The following ARHGAP8 variants were observed in gnomAD, a reference collection of about 807,000 sequenced individuals.
ARHGAP8 encodes Rho GTPase activating protein 8.
In ARHGAP8, 62 loss-of-function variants were observed where a neutral mutation model predicts 46.1. That is an observed-to-expected ratio of 1.34 (90% CI 1.10 to 1.66). The LOEUF (loss-of-function observed/expected upper bound fraction) is 1.66, where lower values mean the gene tolerates loss of function less well. Among genes scored for constraint, ARHGAP8 ranks in the 40% most tolerant of loss-of-function variants. The probability of loss-of-function intolerance (pLI) is 0.00; values close to 1 mark genes in which losing one functional copy is unlikely to be tolerated. For missense variants in ARHGAP8, 923 were observed against 568.4 expected, an observed-to-expected ratio of 1.62 and a Z score of -6.34; for synonymous variants, 375 against 243.1, an observed-to-expected ratio of 1.54 and a Z score of -5.05.
chr22:44,796,188 G>A (rs1193586258), intron 2 of ARHGAP8, among the ~76,000 whole-genome samples: 1 of 152,198 alleles, frequency 6.6e-6, no homozygotes, highest in African/African-American at 2.4e-5. Flanking sequence ...AGCAGACGCT[G>A]TTCTGCTCCC....
At chr22:44,834,391 G>A (rs535974647) in intron 7 of ARHGAP8, among the ~76,000 whole-genome samples, 1 of 151,852 alleles carries the variant, frequency 6.6e-6, no homozygotes, top group African/African-American at 2.4e-5. Flanking sequence ...TTGATTCATT[G>A]ATTTCTAGGA....
chr22:44,827,343 T>TC (rs1425487067), intron 7 of ARHGAP8, among the ~76,000 whole-genome samples: 9 of 115,012 alleles, frequency 7.8e-5, no homozygotes, highest in Non-Finnish European at 1.4e-4. Context: ...GTGGTTTTTT[T>TC]TTTTTTTTTT....
At chr22:44,830,651 C>G (rs1930881569) in intron 7 of ARHGAP8, among the ~76,000 whole-genome samples, 1 of 152,148 alleles carries the variant, frequency 6.6e-6, no homozygotes, top group Admixed American at 6.5e-5. Context: ...ATTCTCCTGT[C>G]TCACCCTCCC....
chr22:44,859,709 A>C (rs753016143), intron 10 of ARHGAP8, 22 bp from the exon 11 acceptor site: 1 of 1,611,302 alleles, frequency 6.2e-7, no homozygotes, highest in Non-Finnish European at 8.5e-7. Context: ...GGAGCTCAGC[A>C]GGGAGCCCCA....
At chr22:44,859,531 A>C (rs2070360093) in intron 10 of ARHGAP8, 200 bp from the exon 11 acceptor site, 5 of 602,560 alleles carry the variant, frequency 8.3e-6, no homozygotes, top group Non-Finnish European at 1.2e-5. Flanking sequence ...AAATAACCCC[A>C]TCTCAGCAAG....
At chr22:44,828,181 A>G (rs760002420) in intron 7 of ARHGAP8, among the ~76,000 whole-genome samples, 25 of 152,200 alleles carry the variant, frequency 1.6e-4, no homozygotes, top group Admixed American at 3.3e-4. Context: ...AAGAGACTAT[A>G]TGTTGAAATA....
At chr22:44,790,622 G>GCCAAGAT (rs1049347037) in intron 2 of ARHGAP8, among the ~76,000 whole-genome samples, 17 of 127,218 alleles carry the variant, frequency 1.3e-4, no homozygotes, top group African/African-American at 4.2e-4. Flanking sequence ...GTTGCAGTGA[G>GCCAAGAT]CCAAGATCAC....
chr22:44,770,671 G>A (rs934067847), intron 1 of ARHGAP8, among the ~76,000 whole-genome samples: 1 of 152,166 alleles, frequency 6.6e-6, no homozygotes, highest in Non-Finnish European at 1.5e-5. Context: ...CTCCCAAAGT[G>A]CTGGGATTAC....
intron 1 of ARHGAP8, among the ~76,000 whole-genome samples, chr22:44,778,387 A>G (rs978443813): frequency 1.3e-5 from 2 of 152,136 alleles, no homozygotes; most frequent in African/African-American, 4.8e-5. Flanking sequence ...GTAGTATTCC[A>G]TCGTATGTCT....
At position 44,789,380 on chromosome 22, in the gene ARHGAP8, A is replaced by G. The variant is rs181010242; in HGVS notation, c.79+2774A>G. Among the ~76,000 whole-genome samples the G allele has an allele frequency of 3.9e-3, 587 of 151,584 alleles. 4 individuals are homozygous for G. The highest frequency in any genetic ancestry group is 0.013 in the African/African-American group (544 of 41,340). On this transcript the variant is annotated intron_variant, in intron 2 of 11. Coordinates refer to ENST00000356099, the MANE Select transcript of ARHGAP8 (RefSeq NM_181335.3). ...TGGCCAGGCTGGTCTCAAACTCCTG[A>G]CCTCAGGTGATCCGCCCGCCTCAGC...
intron 10 of ARHGAP8, among the ~76,000 whole-genome samples, chr22:44,851,187 C>T (rs1252836419): frequency 6.6e-6 from 1 of 152,118 alleles, no homozygotes; most frequent in East Asian, 1.9e-4. Flanking sequence ...TTGTCCACTT[C>T]CGGATAGGCA....
At chr22:44,845,407 T>A (rs1391117362) in intron 8 of ARHGAP8, 65 bp downstream of exon 8, 2 of 1,606,960 alleles carry the variant, frequency 1.2e-6, no homozygotes, top group South Asian at 2.2e-5. Flanking sequence ...CTGGGTGGTT[T>A]GTCTTGGATC....
At chr22:44,763,793 T>C (rs1925329124) in intron 1 of ARHGAP8, among the ~76,000 whole-genome samples, 1 of 128,740 alleles carries the variant, frequency 7.8e-6, no homozygotes, top group Non-Finnish European at 1.7e-5. Flanking sequence ...ATGATTTTCT[T>C]TTTCTTTTCT....
rs1332800399 is a variant in ARHGAP8, at chr22:44,752,587, G to C, written c.-112G>C. 6.6e-6 allele frequency: 1 copy of C among 150,498 alleles called. No homozygotes were observed. The highest frequency in any genetic ancestry group is 1.5e-5 in the Non-Finnish European group (1 of 67,570). 9.3% of individuals were successfully genotyped at this position (150,498 alleles called of 1,614,324 possible). ...CCGGGGAGGGGCCAGGTGAGCGGCAGACCCGGCACGCAGGTGGGGGCCGGC... is the reference window on the plus strand; with the variant it reads ...CCGGGGAGGGGCCAGGTGAGCGGCACACCCGGCACGCAGGTGGGGGCCGGC... On this transcript the variant is annotated 5_prime_UTR_variant, in exon 1 of 12. Transcript: ENST00000356099.
At chr22:44,859,694 C>T (rs893256446) in intron 10 of ARHGAP8, 37 bp from the exon 11 acceptor site, 17 of 1,607,450 alleles carry the variant, frequency 1.1e-5, no homozygotes, top group Non-Finnish European at 1.4e-5. Flanking sequence ...GCCCCTGGCC[C>T]CTCTGGAGCT....
chr22:44,756,058 C>A (rs1040810633), intron 1 of ARHGAP8, among the ~76,000 whole-genome samples: 5 of 152,136 alleles, frequency 3.3e-5, no homozygotes, highest in Non-Finnish European at 7.3e-5. Context: ...GAGAAGAATG[C>A]GCTTTGTTTA....
intron 10 of ARHGAP8, among the ~76,000 whole-genome samples, chr22:44,855,710 G>A (rs1373277905): frequency 6.6e-6 from 1 of 152,136 alleles, no homozygotes; most frequent in African/African-American, 2.4e-5. Flanking sequence ...ATGGATACAA[G>A]AGATGTTCTC....
chr22:44,815,534 C>T (rs1929675848), intron 5 of ARHGAP8, among the ~76,000 whole-genome samples: 1 of 152,144 alleles, frequency 6.6e-6, no homozygotes, highest in Non-Finnish European at 1.5e-5. Context: ...GCAGGTCACC[C>T]ATGGCCAGCC....
rs570786291 is a variant in ARHGAP8 at position 44,806,834 on chromosome 22, G to A, written c.168-1473G>A. Among the ~76,000 whole-genome samples, 73 of 152,032 alleles carry A rather than the reference G, an allele frequency of 4.8e-4. 1 individual carries two copies. The highest frequency in any genetic ancestry group is 3.5e-3 in the Admixed American group (53 of 15,266). On this transcript the variant is annotated intron_variant, in intron 3 of 11. Transcript: ENST00000356099. Reference sequence around the variant, plus strand: ...AAAAAATTAGCCGGGCGTGGTGGCAGGCGCCTGTAGTCCCAGCTACTCAGG... The same window carrying A: ...AAAAAATTAGCCGGGCGTGGTGGCAAGCGCCTGTAGTCCCAGCTACTCAGG...
Sources: gnomAD v4.1 joint callset for allele counts (sites outside exome capture counted in the v4.1 genomes callset) on GRCh38, gnomAD v4.1.1 for gene constraint, MANE v1.5 for transcripts, NCBI Gene and HGNC (gene_info 2026-07-23, HGNC 2026-07-21) for gene names.